Variants in SPINT2 observed in about 807,000 individuals in gnomAD.
SPINT2 encodes the protein kunitz-type protease inhibitor 2.
A neutral mutation model predicts 30.1 loss-of-function variants in SPINT2; 18 were observed. That is an observed-to-expected ratio of 0.60 (90% CI 0.41 to 0.89). The LOEUF is 0.89. SPINT2 is among the 40% of genes least tolerant of loss of function. The pLI is 0.00. For missense variants in SPINT2, 276 were observed against 334.3 expected (o/e 0.83, Z 1.36); for synonymous variants, 139 against 137.9 (o/e 1.01, Z -0.05).
chr19:38,278,156 C>T (rs1285851203), intron 1 of SPINT2, among the ~76,000 whole-genome samples: 1 of 152,136 alleles, frequency 6.6e-6, no homozygotes, highest in Non-Finnish European at 1.5e-5. Flanking sequence ...TGTTGGTGTC[C>T]GTGACCCTGT....
Position 38,290,003 on chromosome 19 carries a change from C to T in SPINT2, c.392-116C>T. On this transcript the variant is annotated intron_variant, in intron 4 of 6. Coordinates refer to ENST00000301244, the MANE Select transcript of SPINT2 (RefSeq NM_021102.4). The surrounding 1 kb of genome is among the most constrained non-coding windows in gnomAD (Gnocchi z 4.3). ...TGGGTGTAATTTACAGGCTTCTTTA[C>T]CAGAGAGATGTTTCTCCGTCTGCTG... The T allele has an allele frequency of 1.7e-6, 2 of 1,154,440 alleles. No homozygotes were observed. The highest frequency in any genetic ancestry group is 1.2e-5 in the South Asian group (1 of 80,384). The allele number at this position is 1,154,440 out of a possible 1,614,324, so 71.5% of individuals were successfully genotyped here.
rs370209781 is a variant in SPINT2 at position 38,291,830 on chromosome 19, T to C, written c.593-10T>C. On this transcript the variant is annotated splice_polypyrimidine_tract_variant and intron_variant, in intron 6 of 6. Transcript: ENST00000301244. ...CCTGGCCCGTCCTGAGGCCCCTCTC[T>C]CGTCCTCAGTGGTGGTTCTGGCGGG... The C allele has an allele frequency of 1.9e-5, 30 of 1,611,900 alleles. No homozygotes were observed. The African/African-American group carries it at 3.7e-4, about 20-fold the overall frequency.
At chr19:38,277,935 A>G (rs1449633563) in intron 1 of SPINT2, among the ~76,000 whole-genome samples, 5 of 152,184 alleles carry the variant, frequency 3.3e-5, no homozygotes, top group Non-Finnish European at 7.3e-5. Context: ...TCCGTTTTGA[A>G]AACATACAGA....
At position 38,264,881 on chromosome 19, in the gene SPINT2, G is replaced by C. The variant is rs1449702692; in HGVS notation, c.-12G>C. ...CTGGTGGCGTCGCCTGCGCGTCTCG[G>C]CTGAGCTGGCCATGGCGCAGCTGTG... is the stretch of plus-strand genomic sequence containing the variant. On this transcript the variant is annotated 5_prime_UTR_variant, in exon 1 of 7. Transcript: ENST00000301244. 1 of 1,533,332 alleles carries C rather than the reference G, an allele frequency of 6.5e-7. No homozygotes were observed. The highest frequency in any genetic ancestry group is 2.0e-5 in the Admixed American group (1 of 50,894). 95.0% of individuals were successfully genotyped at this position (1,533,332 alleles called of 1,614,324 possible). A position where few individuals can be genotyped will look rare whatever the true frequency, so the allele number is the denominator to read the frequency against.
chr19:38,270,817 C>T (rs1968446033), intron 1 of SPINT2, among the ~76,000 whole-genome samples: 1 of 152,238 alleles, frequency 6.6e-6, no homozygotes, highest in South Asian at 2.1e-4. Flanking sequence ...CTGGAGGCTA[C>T]AGGGGAGGCT....
chr19:38,290,317 C>G lies in SPINT2; in HGVS notation c.553+37C>G, dbSNP rs747755779. ...GCCCCTCAGCCCAGGAAGCCCTGCC[C>G]TTGAGGACCCCGGTCCATCTCCCCA... On this transcript the variant is annotated intron_variant, in intron 5 of 6. Coordinates refer to ENST00000301244, the MANE Select transcript of SPINT2 (RefSeq NM_021102.4). The surrounding 1 kb of genome is among the most constrained non-coding windows in gnomAD (Gnocchi z 4.3). 6.2e-7 allele frequency: 1 copy of G among 1,606,010 alleles called. No individual in the cohort carries two copies. The highest frequency in any genetic ancestry group is 8.5e-7 in the Non-Finnish European group (1 of 1,177,282).
Position 38,264,610 on chromosome 19 carries a change from T to C in SPINT2, c.-283T>C. ...GGCGACCTCCGCGCGTTGGGAGGTG[T>C]AGCGCGGCTCTGAACGCGCTGAGGG... On this transcript the variant is annotated 5_prime_UTR_variant, in exon 1 of 7. Coordinates refer to ENST00000301244, the MANE Select transcript of SPINT2 (RefSeq NM_021102.4). The C allele has an allele frequency of 2.3e-6, 1 of 426,610 alleles. No homozygotes were observed. Among genetic ancestry groups the C allele is most frequent in the Non-Finnish European group, 4.3e-6 (1 of 234,160 alleles). The allele number at this position is 426,610 out of a possible 1,614,324, so 26.4% of individuals were successfully genotyped here.
chr19:38,290,564 T>A lies in SPINT2; in HGVS notation c.581T>A (p.Leu194His). The change falls in exon 6 of 7, where the codon CTT becomes CAT. Residue 194 changes from leucine to histidine, a missense_variant. By Grantham distance (99) the Leu-to-His change is moderately conservative (BLOSUM62 -3). Transcript: ENST00000301244. This position sits in a 1 kb window ranked among gnomAD's most constrained non-coding sequence, Gnocchi z 4.3. ...CAGCAGGAGAATCCTCCCCTGCCCC[T>A]TGGCTCAAAGGGTAAGTGGCCCCTT... The part of the protein sequence containing the change: ...FRQQENPPLP[L>H]GSKVVVLAGL... The A allele has an allele frequency of 6.2e-7, 1 of 1,614,054 alleles. No homozygotes were observed.
intron 1 of SPINT2, among the ~76,000 whole-genome samples, chr19:38,270,934 T>C (rs1480691340): frequency 6.6e-6 from 1 of 152,200 alleles, no homozygotes; most frequent in Non-Finnish European, 1.5e-5. Context: ...CCACCGGCCA[T>C]GACTAATGTG....
Position 38,264,861 on chromosome 19 carries a change from G to A in SPINT2, c.-32G>A, listed in dbSNP as rs1018744264. ...TGATCGCGAGACCCCAACGGCTGGT[G>A]GCGTCGCCTGCGCGTCTCGGCTGAG... On this transcript the variant is annotated 5_prime_UTR_variant, in exon 1 of 7. Coordinates refer to ENST00000301244, the MANE Select transcript of SPINT2 (RefSeq NM_021102.4). 6.5e-7 allele frequency: 1 copy of A among 1,529,728 alleles called. No homozygotes were observed. Among genetic ancestry groups the A allele is most frequent in the Non-Finnish European group, 8.7e-7 (1 of 1,143,096 alleles). The allele number at this position is 1,529,728 out of a possible 1,614,324, so 94.8% of individuals were successfully genotyped here. A position where few individuals can be genotyped will look rare whatever the true frequency, so the allele number is the denominator to read the frequency against.
intron 1 of SPINT2, among the ~76,000 whole-genome samples, chr19:38,282,646 A>G (rs2146274176): frequency 6.6e-6 from 1 of 152,306 alleles, no homozygotes; most frequent in South Asian, 2.1e-4. Context: ...GTAGGGCCAG[A>G]TTTGAGGGTG....
intron 4 of SPINT2, chr19:38,289,483 TCAAAAAAAA>T: frequency 3.1e-5 from 1 of 32,220 alleles, no homozygotes; most frequent in South Asian, 1.3e-3. Flanking sequence ...AGACTCTGTC[TCAAAAAAAA>T]AAAAAAAAAA....
At position 38,290,857 on chromosome 19, in the gene SPINT2, G is replaced by A. The variant is rs550464732; in HGVS notation, c.592+282G>A. 3.2e-4 allele frequency: 171 copies of A among 537,658 alleles called. 2 individuals are homozygous for A. The highest frequency in any genetic ancestry group is 3.2e-3 in the South Asian group (163 of 51,508). 33.3% of individuals were successfully genotyped at this position (537,658 alleles called of 1,614,324 possible). The stretch of plus-strand genomic sequence containing the variant: ...TGAGCATTTGAGGACTGCTGCACAC[G>A]GGCCTGAGGCTGGCCTGAGGTGTGG... On this transcript the variant is annotated intron_variant, in intron 6 of 6. Coordinates refer to ENST00000301244, the MANE Select transcript of SPINT2 (RefSeq NM_021102.4). This position sits in a 1 kb window ranked among gnomAD's most constrained non-coding sequence, Gnocchi z 4.3.
At position 38,290,369 on chromosome 19, in the gene SPINT2, T is replaced by TG; in HGVS notation, c.553+90dup. 1 of 1,579,562 alleles carries TG rather than the reference T, an allele frequency of 6.3e-7. No homozygotes were observed. The highest frequency in any genetic ancestry group is 8.6e-7 in the Non-Finnish European group (1 of 1,163,236). On this transcript the variant is annotated intron_variant, in intron 5 of 6. Transcript: ENST00000301244. The surrounding 1 kb of genome is among the most constrained non-coding windows in gnomAD (Gnocchi z 4.3). ...CCCTAAAATATGAAGGCCTTGGAAA[T>TG]GCTGTTCTTGGGCCCACCAGGGCAG...
At chr19:38,287,565 G>A (rs2146277658) in intron 2 of SPINT2, among the ~76,000 whole-genome samples, 1 of 152,008 alleles carries the variant, frequency 6.6e-6, no homozygotes, top group Non-Finnish European at 1.5e-5. Flanking sequence ...GACCTCAGGT[G>A]ATCCACCTGC....
At chr19:38,291,260 G>A (rs140493601) in intron 6 of SPINT2, 18 of 164,420 alleles carry the variant, frequency 1.1e-4, no homozygotes, top group Admixed American at 6.2e-4. Context: ...CTCCTTAGCC[G>A]GATCCCCTCC....
chr19:38,285,942 T>A (rs1485620690), intron 2 of SPINT2, among the ~76,000 whole-genome samples: 1 of 152,140 alleles, frequency 6.6e-6, no homozygotes, highest in Non-Finnish European at 1.5e-5. Flanking sequence ...GCTGAAGTGT[T>A]GAGAACTCAG....
At chr19:38,270,863 C>T (rs1352097571) in intron 1 of SPINT2, among the ~76,000 whole-genome samples, 4 of 152,162 alleles carry the variant, frequency 2.6e-5, no homozygotes, top group African/African-American at 7.2e-5. Context: ...TCATGTGAGG[C>T]GGGAGAGAGC....
intron 1 of SPINT2, among the ~76,000 whole-genome samples, chr19:38,272,905 A>G (rs935812182): frequency 4.6e-5 from 7 of 152,034 alleles, no homozygotes. Context: ...TATTTTTAGT[A>G]GAGACGGGGT....
Sources: gnomAD v4.1 joint callset for allele counts (sites outside exome capture counted in the v4.1 genomes callset) on GRCh38, gnomAD v4.1.1 for gene constraint, Gnocchi (gnomAD v3.1) non-coding constraint, MANE v1.5 for transcripts, NCBI Gene and HGNC (gene_info 2026-07-23, HGNC 2026-07-21) for gene names.